RASGEF1B: variants seen among roughly 807,000 people sequenced by gnomAD.
RASGEF1B encodes the protein ras-GEF domain-containing family member 1B.
A neutral mutation model predicts 65.7 loss-of-function variants in RASGEF1B; 30 were observed. The observed-to-expected ratio is 0.46, with a 90% CI of 0.34 to 0.62. The LOEUF (loss-of-function observed/expected upper bound fraction) is 0.62, where lower values mean the gene tolerates loss of function less well. Among genes scored for constraint, RASGEF1B ranks in the 20% least tolerant of loss-of-function variants. RASGEF1B has a pLI of 0.01. For synonymous variants in RASGEF1B, 175 were observed against 194.8 expected (o/e 0.90, Z 0.85); for missense variants, 495 against 580.1 (o/e 0.85, Z 1.51).
chr4:81,451,411 C>T (rs981002445), intron 4 of RASGEF1B: 2 of 152,130 alleles, frequency 1.3e-5, no homozygotes, highest in East Asian at 1.9e-4. Flanking sequence ...GTTTCCAAGA[C>T]ATAACACAGA....
At chr4:81,466,770 A>AAAAAAAAAAAAGAAAG (rs748492254) in intron 1 of RASGEF1B, among the ~76,000 whole-genome samples, 1 of 36,100 alleles carries the variant, frequency 2.8e-5, no homozygotes, top group Non-Finnish European at 5.3e-5. Flanking sequence ...AAAAAAAAAA[A>AAAAAAAAAAAAGAAAG]AAAGAAAGAA....
At chr4:81,467,436 A>G (rs1388045534) in intron 1 of RASGEF1B, among the ~76,000 whole-genome samples, 1 of 152,216 alleles carries the variant, frequency 6.6e-6, no homozygotes, top group Non-Finnish European at 1.5e-5. Flanking sequence ...TGGAGAGTCA[A>G]TTAAAACTCT....
chr4:81,434,576 G>T, intron 11 of RASGEF1B, 63 bp downstream of exon 11: 1 of 909,036 alleles, frequency 1.1e-6, no homozygotes, highest in South Asian at 1.3e-5. Context: ...CAGGAATGCG[G>T]TGCTGGAGAA....
chr4:81,443,096 C>T (rs1721901275), intron 8 of RASGEF1B, among the ~76,000 whole-genome samples: 1 of 152,294 alleles, frequency 6.6e-6, no homozygotes, highest in African/African-American at 2.4e-5. Context: ...ACACCATAAC[C>T]CACACTCATT....
At chr4:81,432,685 C>A (rs546502421) in intron 12 of RASGEF1B, among the ~76,000 whole-genome samples, 1 of 149,118 alleles carries the variant, frequency 6.7e-6, no homozygotes, top group South Asian at 2.1e-4. Flanking sequence ...ATGTTCTTTA[C>A]AAAGAAAGGG....
chr4:81,462,841 T>C (rs375746721), intron 1 of RASGEF1B, among the ~76,000 whole-genome samples: 44 of 152,352 alleles, frequency 2.9e-4, no homozygotes, highest in African/African-American at 1.1e-3. Context: ...ATTTGTGTAA[T>C]TGTTTACTGA....
At chr4:81,448,876 G>A (rs907187845) in intron 4 of RASGEF1B, among the ~76,000 whole-genome samples, 1 of 152,022 alleles carries the variant, frequency 6.6e-6, no homozygotes, top group South Asian at 2.1e-4. Context: ...GTGCAGTGAC[G>A]TGATCTTGTC....
intron 2 of RASGEF1B, among the ~76,000 whole-genome samples, chr4:81,458,652 G>A (rs1043727221): frequency 6.6e-6 from 1 of 152,210 alleles, no homozygotes; most frequent in Non-Finnish European, 1.5e-5. Flanking sequence ...GCACAGGGAA[G>A]GGGGAAAAAG....
intron 10 of RASGEF1B, among the ~76,000 whole-genome samples, chr4:81,436,720 T>C (rs1721644641): frequency 6.6e-6 from 1 of 152,214 alleles, no homozygotes; most frequent in South Asian, 2.1e-4. Context: ...TACTTCTATA[T>C]TGAGTGAACA....
At position 81,448,145 on chromosome 4, in the gene RASGEF1B, T is replaced by C. The variant is rs564544687; in HGVS notation, c.578A>G (p.Gln193Arg). ...AGTAATGATATCCCTTTGTATAGAC[T>C]GTGGCTTGGTCTTGAGAACTGTGAG... is the stretch of plus-strand genomic sequence containing the variant. ...DRLTVLKTKP[Q>R]SIQRDIITVC... Residue 193 changes from glutamine to arginine, a missense_variant, in exon 5 of 14, where the codon CAG becomes CGG. Physicochemically the swap from Gln to Arg is conservative, Grantham distance 43. Coordinates refer to ENST00000264400, the MANE Select transcript of RASGEF1B (RefSeq NM_152545.3). 109 of 1,614,190 alleles carry C rather than the reference T, an allele frequency of 6.8e-5. 2 individuals are homozygous for C. The South Asian group carries it at 1.1e-3, about 16-fold the overall frequency.
At chr4:81,429,664 A>T (rs1264038893) in intron 13 of RASGEF1B, among the ~76,000 whole-genome samples, 1 of 152,240 alleles carries the variant, frequency 6.6e-6, no homozygotes, top group African/African-American at 2.4e-5. Context: ...ACATCTGCTG[A>T]AGAAGACGCA....
rs112759548 is a variant in RASGEF1B at position 81,438,794 on chromosome 4, C to T, written c.1104+2040G>A. Among the ~76,000 whole-genome samples the T allele has an allele frequency of 7.9e-3, 1,172 of 147,830 alleles. 24 individuals carry two copies. The highest frequency in any genetic ancestry group is 0.028 in the African/African-American group (1,122 of 40,644). Reference sequence around the variant, plus strand: ...GTGTCCATGTGTTCTCATTGTTCAACTCCCACTTACGAGTGAGAACATGCA... The same window carrying T: ...GTGTCCATGTGTTCTCATTGTTCAATTCCCACTTACGAGTGAGAACATGCA... On this transcript the variant is annotated intron_variant, in intron 10 of 13. Transcript: ENST00000264400.
chr4:81,440,282 C>T (rs1158971879), intron 10 of RASGEF1B, among the ~76,000 whole-genome samples: 3 of 152,140 alleles, frequency 2.0e-5, no homozygotes, highest in Non-Finnish European at 2.9e-5. Flanking sequence ...ATGGTACTAA[C>T]TTGTTTTAAG....
intron 1 of RASGEF1B, among the ~76,000 whole-genome samples, chr4:81,466,770 A>AGAAAGAAAGAAAGAAAGAAGGAAGGAAAG (rs1553947089): frequency 2.8e-5 from 1 of 36,100 alleles, no homozygotes; most frequent in African/African-American, 9.5e-5. Context: ...AAAAAAAAAA[A>AGAAAGAAAGAAAGAAAGAAGGAAGGAAAG]AAAGAAAGAA....
intron 4 of RASGEF1B, among the ~76,000 whole-genome samples, chr4:81,448,701 T>C (rs1722137107): frequency 6.6e-6 from 1 of 152,214 alleles, no homozygotes; most frequent in Non-Finnish European, 1.5e-5. Flanking sequence ...AGGCTTTTTC[T>C]TTAGGGCCAC....
chr4:81,430,432 A>G (rs993773125), intron 13 of RASGEF1B, among the ~76,000 whole-genome samples: 3 of 152,240 alleles, frequency 2.0e-5, no homozygotes, highest in Non-Finnish European at 4.4e-5. Flanking sequence ...TAGAGGGTCT[A>G]ATTGAGCCGG....
At position 81,435,544 on chromosome 4, in the gene RASGEF1B, C is replaced by T. The variant is rs1236788944; in HGVS notation, c.1105-810G>A. Among the ~76,000 whole-genome samples the T allele has an allele frequency of 9.3e-5, 12 of 129,684 alleles. 1 individual carries two copies. The highest frequency in any genetic ancestry group is 3.2e-4 in the African/African-American group (11 of 33,972). The allele number at this position is 129,684 out of a possible 152,430, so 85.1% of individuals were successfully genotyped here. A position where few individuals can be genotyped will look rare whatever the true frequency, so the allele number is the denominator to read the frequency against. On this transcript the variant is annotated intron_variant, in intron 10 of 13. Coordinates refer to ENST00000264400, the MANE Select transcript of RASGEF1B (RefSeq NM_152545.3). ...AGTGCAGTAGTGCGATCTCTGCTCA[C>T]TGCAAGCTCCACCTCCCCAGTTCAT...
intron 8 of RASGEF1B, among the ~76,000 whole-genome samples, chr4:81,442,729 T>C (rs771363463): frequency 6.6e-6 from 1 of 152,228 alleles, no homozygotes; most frequent in Non-Finnish European, 1.5e-5. Flanking sequence ...AAACAAATGG[T>C]TATGGTTGTG....
intron 4 of RASGEF1B, among the ~76,000 whole-genome samples, chr4:81,450,248 T>C (rs2109983781): frequency 6.6e-6 from 1 of 152,278 alleles, no homozygotes; most frequent in South Asian, 2.1e-4. Context: ...CCAGGCATAG[T>C]GGCTCACATC....
Sources: gnomAD v4.1 joint callset for allele counts (sites outside exome capture counted in the v4.1 genomes callset) on GRCh38, gnomAD v4.1.1 for gene constraint, MANE v1.5 for transcripts, NCBI Gene and HGNC (gene_info 2026-07-23, HGNC 2026-07-21) for gene names.